Variants in DSCAML1 observed in about 807,000 individuals in gnomAD.
The protein encoded by DSCAML1 is DS cell adhesion molecule like 1.
In DSCAML1, 38 loss-of-function variants were observed where a neutral mutation model predicts 200.5. The ratio of observed to expected loss-of-function variants is 0.19; its 90% CI spans 0.15 to 0.25. The LOEUF is 0.25. Among genes scored for constraint, DSCAML1 ranks in the 10% least tolerant of loss-of-function variants. The probability of loss-of-function intolerance (pLI) is 1.00; values close to 1 mark genes in which losing one functional copy is unlikely to be tolerated. For missense variants in DSCAML1, 2,223 were observed against 2,858.8 expected, an observed-to-expected ratio of 0.78 and a Z score of 5.07; for synonymous variants, 1,215 against 1,165.0, an observed-to-expected ratio of 1.04 and a Z score of -0.87.
chr11:117,430,710 C>T lies in DSCAML1; in HGVS notation c.5686+12G>A. ...GGGGGGGCACTGCCTGGGAGGTGGT[C>T]TGAGCACTCACTCTTGTTGGCCCGG... On this transcript the variant is annotated intron_variant, in intron 32 of 32. Coordinates refer to ENST00000651296, the MANE Select transcript of DSCAML1 (RefSeq NM_020693.4). The T allele has an allele frequency of 6.2e-7, 1 of 1,603,460 alleles. No homozygotes were observed. The highest frequency in any genetic ancestry group is 8.5e-7 in the Non-Finnish European group (1 of 1,174,712).
intron 17 of DSCAML1, 83 bp from the exon 18 acceptor site, chr11:117,461,679 C>A (rs2048486668): frequency 6.3e-6 from 9 of 1,417,752 alleles, no homozygotes; most frequent in Non-Finnish European, 8.7e-6. Flanking sequence ...CAGGCTGGGT[C>A]CCGCAGTCCA....
intron 3 of DSCAML1, among the ~76,000 whole-genome samples, chr11:117,692,693 C>G (rs1418710852): frequency 6.6e-6 from 1 of 152,216 alleles, no homozygotes; most frequent in East Asian, 1.9e-4. Context: ...ATCTTTTCCC[C>G]TCTGCTTCCC....
chr11:117,447,104 C>T (rs1458425181), intron 20 of DSCAML1, among the ~76,000 whole-genome samples: 1 of 152,172 alleles, frequency 6.6e-6, no homozygotes, highest in Non-Finnish European at 1.5e-5. Flanking sequence ...GCCTGGCCAA[C>T]ATGGTGAAAC....
chr11:117,760,260 G>T (rs548055077), intron 3 of DSCAML1, among the ~76,000 whole-genome samples: 50 of 152,288 alleles, frequency 3.3e-4, no homozygotes, highest in Middle Eastern at 6.8e-3. Context: ...TCTTCAGATC[G>T]TTTTTAGAAG....
At chr11:117,606,328 C>G (rs147081430) in intron 3 of DSCAML1, among the ~76,000 whole-genome samples, 2 of 152,168 alleles carry the variant, frequency 1.3e-5, no homozygotes, top group Non-Finnish European at 2.9e-5. Context: ...TTCACTGCCC[C>G]CCTGGAGAAG....
At position 117,557,498 on chromosome 11, in the gene DSCAML1, C is replaced by G. The variant is rs537129682; in HGVS notation, c.512-24976G>C. Among the ~76,000 whole-genome samples the G allele has an allele frequency of 1.7e-4, 26 of 152,332 alleles. 1 individual carries two copies. In the South Asian group the frequency reaches 5.2e-3, roughly 30 times the overall value. On this transcript the variant is annotated intron_variant, in intron 3 of 32. Transcript: ENST00000651296. Reference sequence around the variant, plus strand: ...GCCGCAGCTTCCCAGGAGTCCCTGCCCGCCTCACTCGAGCCCCTCTTCCTG... The same window carrying G: ...GCCGCAGCTTCCCAGGAGTCCCTGCGCGCCTCACTCGAGCCCCTCTTCCTG...
chr11:117,748,664 T>A (rs1011448559), intron 3 of DSCAML1, among the ~76,000 whole-genome samples: 2 of 152,200 alleles, frequency 1.3e-5, no homozygotes, highest in African/African-American at 4.8e-5. Flanking sequence ...AGGGGAGGGC[T>A]GGGACTCCAG....
At chr11:117,757,167 G>T (rs747464161) in intron 3 of DSCAML1, among the ~76,000 whole-genome samples, 1 of 152,162 alleles carries the variant, frequency 6.6e-6, no homozygotes, top group Admixed American at 6.5e-5. Flanking sequence ...AAAAGAAAAA[G>T]TAGTAGCTAC....
chr11:117,512,339 C>A (rs2049640956), intron 8 of DSCAML1, among the ~76,000 whole-genome samples: 1 of 152,200 alleles, frequency 6.6e-6, no homozygotes, highest in Non-Finnish European at 1.5e-5. Context: ...CTCCTCCACC[C>A]CCCTCCTTGG....
intron 30 of DSCAML1, among the ~76,000 whole-genome samples, 190 bp from the exon 31 acceptor site, chr11:117,431,918 T>A (rs61905261): frequency 2.4e-5 from 3 of 123,472 alleles, no homozygotes; most frequent in Non-Finnish European, 5.4e-5. Context: ...GAGTCAAGGT[T>A]GGGGAGGGGG....
At chr11:117,584,735 G>A (rs1591293757) in intron 3 of DSCAML1, among the ~76,000 whole-genome samples, 1 of 152,316 alleles carries the variant, frequency 6.6e-6, no homozygotes, top group South Asian at 2.1e-4. Context: ...GGTTTTGAAC[G>A]GCTGTGAACG....
chr11:117,654,017 C>T (rs904185252), intron 3 of DSCAML1, among the ~76,000 whole-genome samples: 2 of 152,100 alleles, frequency 1.3e-5, no homozygotes, highest in Admixed American at 1.3e-4. Flanking sequence ...GAGAATGAGA[C>T]CTTTGTTTCT....
chr11:117,481,633 A>G (rs1592645740), intron 12 of DSCAML1, among the ~76,000 whole-genome samples: 2 of 93,308 alleles, frequency 2.1e-5, no homozygotes, highest in Admixed American at 1.1e-4. Flanking sequence ...AGTCCAGGAG[A>G]GTGGGAAGGG....
In DSCAML1 at chr11:117,776,299, G is replaced by T. The variant is rs146540900; in HGVS notation, c.511+492C>A. On this transcript the variant is annotated intron_variant, in intron 3 of 32. Transcript: ENST00000651296. ...TGGAGTCTTTAGCCAACTCATTCAA[G>T]AAGGGAAGAAGGAAAGTCCCCATAC... is the stretch of plus-strand genomic sequence containing the variant. 1.1e-3 allele frequency among the ~76,000 whole-genome samples: 162 copies of T among 152,290 alleles called. 1 individual carries two copies. The East Asian group carries it at 0.014, about 13-fold the overall frequency.
At position 117,641,487 on chromosome 11, in the gene DSCAML1, A is replaced by T. The variant is rs528602449; in HGVS notation, c.512-108965T>A. ...GAACAGATGCGCACACTGCCTGCAC[A>T]CAGAGCTGCCATGTGACTGTAGCAG... On this transcript the variant is annotated intron_variant, in intron 3 of 32. Coordinates refer to ENST00000651296, the MANE Select transcript of DSCAML1 (RefSeq NM_020693.4). 1.8e-3 allele frequency among the ~76,000 whole-genome samples: 273 copies of T among 152,268 alleles called. No individual in the cohort carries two copies. The South Asian group carries it at 0.018, about 10-fold the overall frequency.
At chr11:117,631,468 A>C (rs2052172322) in intron 3 of DSCAML1, among the ~76,000 whole-genome samples, 2 of 152,192 alleles carry the variant, frequency 1.3e-5, no homozygotes, top group African/African-American at 4.8e-5. Flanking sequence ...CAGTCTTCTT[A>C]GTGTCCCCCT....
rs2054969479 is a variant in DSCAML1, at chr11:117,769,262, TTTTATATA to T, written c.511+7521_511+7528del. 2.6e-3 allele frequency among the ~76,000 whole-genome samples: 27 copies of T among 10,454 alleles called. 1 individual carries two copies. The highest frequency in any genetic ancestry group is 3.5e-3 in the African/African-American group (22 of 6,342). 6.9% of individuals were successfully genotyped at this position (10,454 alleles called of 152,430 possible). On this transcript the variant is annotated intron_variant, in intron 3 of 32. Coordinates refer to ENST00000651296, the MANE Select transcript of DSCAML1 (RefSeq NM_020693.4). The stretch of plus-strand genomic sequence containing the variant: ...ATTTTATATATGTATATATTATATA[TTTTATATA>T]TTTATATATTATATATTTTATATAT...
chr11:117,448,774 T>C (rs942861885), intron 20 of DSCAML1, among the ~76,000 whole-genome samples: 3 of 152,074 alleles, frequency 2.0e-5, no homozygotes, highest in African/African-American at 4.8e-5. Context: ...GGGGGTGTGA[T>C]TGGCATGAGC....
intron 4 of DSCAML1, among the ~76,000 whole-genome samples, chr11:117,527,403 C>T (rs1486990298): frequency 1.3e-5 from 2 of 152,180 alleles, no homozygotes; most frequent in African/African-American, 2.4e-5. Flanking sequence ...CTCAAGGCAG[C>T]GTTAAACCGC....
Sources: allele counts gnomAD v4.1 joint callset (sites outside exome capture counted in the v4.1 genomes callset), GRCh38; gene constraint gnomAD v4.1.1; transcripts MANE v1.5; gene names NCBI Gene and HGNC (gene_info 2026-07-23, HGNC 2026-07-21).